Variants in ITGB6 observed in about 807,000 individuals in gnomAD.
ITGB6 encodes integrin beta-6.
In ITGB6, 80 loss-of-function variants were observed where a neutral mutation model predicts 84.5. The ratio of observed to expected loss-of-function variants is 0.95; its 90% CI spans 0.79 to 1.14. The LOEUF (loss-of-function observed/expected upper bound fraction) is 1.14. Among genes scored for constraint, ITGB6 ranks in the 50% most tolerant of loss-of-function variants. The pLI is 0.00. For missense variants in ITGB6, 1,006 were observed against 968.0 expected (o/e 1.04, Z -0.52); for synonymous variants, 383 against 354.9 (o/e 1.08, Z -0.89).
intron 4 of ITGB6, among the ~76,000 whole-genome samples, chr2:160,192,233 T>C (rs1478437112): frequency 6.6e-6 from 1 of 152,116 alleles, no homozygotes; most frequent in African/African-American, 2.4e-5. Flanking sequence ...TAAAGCTCTG[T>C]AAGGGGGGTA....
intron 12 of ITGB6, among the ~76,000 whole-genome samples, chr2:160,121,959 G>A (rs1486505547): frequency 6.6e-6 from 1 of 151,282 alleles, no homozygotes; most frequent in African/African-American, 2.4e-5. Flanking sequence ...GTTGGGGGAA[G>A]GGTAGGTTGT....
At position 160,126,486 on chromosome 2, in the gene ITGB6, G is replaced by A. The variant is rs751270189; in HGVS notation, c.1776C>T (p.Ser592=). The A allele has an allele frequency of 2.6e-5, 42 of 1,614,170 alleles. No homozygotes were observed. The highest frequency in any genetic ancestry group is 3.3e-4 in the Middle Eastern group (2 of 6,062). Residue 592 remains serine (S), a synonymous_variant, in exon 11 of 15, where the codon AGC becomes AGT. Transcript: ENST00000283249. ...TGCCACAAACACAGTCCCCGCGCCC[G>A]CTGCAGAGCACTCCATCTTCAGAGA... ...SCVSEDGVLC[S]GRGDCVCGKC...
At chr2:160,139,664 C>A (rs1190954329) in intron 8 of ITGB6, among the ~76,000 whole-genome samples, 1 of 152,064 alleles carries the variant, frequency 6.6e-6, no homozygotes, top group Non-Finnish European at 1.5e-5. Context: ...CAAATTTGAC[C>A]AGGAATATTT....
rs574179737 is a variant in ITGB6, at chr2:160,195,561, T to C, written c.401A>G (p.Asp134Gly). 6.2e-7 allele frequency: 1 copy of C among 1,614,044 alleles called. No homozygotes were observed. The highest frequency in any genetic ancestry group is 1.7e-5 in the Admixed American group (1 of 60,002). Residue 134 changes from aspartate to glycine, a missense_variant, in exon 4 of 15, where the codon GAT becomes GGT. Coordinates refer to ENST00000283249, the MANE Select transcript of ITGB6 (RefSeq NM_000888.5). ...GGAGAGGTCCATGAGGTAATACAAA[T>C]CCACCGGGTAGTCCTCAGTCTGGCG... is the stretch of plus-strand genomic sequence containing the variant. ...HVRQTEDYPV[D>G]LYYLMDLSAS...
At chr2:160,172,768 G>A (rs1182857178) in intron 5 of ITGB6, 38 bp from the exon 6 acceptor site, 3 of 1,537,816 alleles carry the variant, frequency 2.0e-6, no homozygotes, top group Non-Finnish European at 1.8e-6. Context: ...ATATTGGAGG[G>A]AGGCAGGCAT....
At chr2:160,136,392 C>T (rs1278277499) in intron 10 of ITGB6, among the ~76,000 whole-genome samples, 4 of 151,996 alleles carry the variant, frequency 2.6e-5, no homozygotes, top group Non-Finnish European at 4.4e-5. Flanking sequence ...ATTAAAAAGT[C>T]AGGAAACAAC....
rs2105863371 is a variant in ITGB6, at chr2:160,169,253, A to G, written c.976T>C (p.Leu326=). Residue 326 remains leucine, a synonymous_variant, in exon 7 of 15, where the codon TTG becomes CTG. Coordinates refer to ENST00000283249, the MANE Select transcript of ITGB6 (RefSeq NM_000888.5). The part of the protein sequence containing the change: ...IDKLVQNNVL[L]IFAVTQEQVH... ...TGTTCTTGGGTTACAGCGAAGATCA[A>G]TAACACGTTGTTTTGTACCAGTTTA... 1 of 1,605,040 alleles carries G rather than the reference A, an allele frequency of 6.2e-7. No individual in the cohort carries two copies. The highest frequency in any genetic ancestry group is 2.2e-5 in the East Asian group (1 of 44,710).
chr2:160,134,326 A>G (rs1022406844), intron 10 of ITGB6, among the ~76,000 whole-genome samples: 4 of 152,222 alleles, frequency 2.6e-5, no homozygotes, highest in Non-Finnish European at 5.9e-5. Flanking sequence ...AAATTCCTCG[A>G]CACATACACT....
chr2:160,164,234 G>A lies in ITGB6; in HGVS notation c.1017+4978C>T, dbSNP rs577612536. On this transcript the variant is annotated intron_variant, in intron 7 of 14. Coordinates refer to ENST00000283249, the MANE Select transcript of ITGB6 (RefSeq NM_000888.5). ...GCACTACGTCTTATTCTTCTCTATA[G>A]TCACAAACTTTGGCATAGTTCACAG... Among the ~76,000 whole-genome samples the A allele has an allele frequency of 3.9e-5, 6 of 152,294 alleles. No individual in the cohort carries two copies. The South Asian group carries it at 1.0e-3, about 26-fold the overall frequency.
chr2:160,133,232 C>G (rs184689444), intron 10 of ITGB6, among the ~76,000 whole-genome samples: 1 of 151,458 alleles, frequency 6.6e-6, no homozygotes, highest in Non-Finnish European at 1.5e-5. Flanking sequence ...ACAAAGCAAA[C>G]GGAAAACAAA....
At chr2:160,131,586 T>A (rs981255555) in intron 10 of ITGB6, among the ~76,000 whole-genome samples, 5 of 152,180 alleles carry the variant, frequency 3.3e-5, no homozygotes, top group African/African-American at 1.2e-4. Flanking sequence ...CATGACCATT[T>A]GTTAACCATT....
chr2:160,156,639 T>A (rs1235592289), intron 7 of ITGB6, among the ~76,000 whole-genome samples: 1 of 152,218 alleles, frequency 6.6e-6, no homozygotes, highest in East Asian at 1.9e-4. Flanking sequence ...GACCTCACAG[T>A]TGTTCCCTTT....
intron 7 of ITGB6, among the ~76,000 whole-genome samples, chr2:160,154,286 A>T (rs541669114): frequency 6.6e-6 from 1 of 152,304 alleles, no homozygotes; most frequent in South Asian, 2.1e-4. Context: ...CTTTTTAGGG[A>T]CATGGATGAA....
At chr2:160,125,950 G>A (rs1180749901) in intron 11 of ITGB6, among the ~76,000 whole-genome samples, 4 of 152,196 alleles carry the variant, frequency 2.6e-5, no homozygotes, top group Non-Finnish European at 5.9e-5. Context: ...AGATAGGAAT[G>A]AATCAGTAAG....
chr2:160,154,225 C>T (rs1183257968), intron 7 of ITGB6, among the ~76,000 whole-genome samples: 3 of 152,178 alleles, frequency 2.0e-5, no homozygotes, highest in Non-Finnish European at 4.4e-5. Context: ...AAATGTGGCA[C>T]ATATACACCA....
Position 160,101,782 on chromosome 2 carries a change from T to C in ITGB6, c.2321A>G (p.Tyr774Cys), listed in dbSNP as rs762389754. The change falls in exon 15 of 15, where the codon TAT becomes TGT. Residue 774 changes from tyrosine to cysteine, a missense_variant. Transcript: ENST00000283249. ...TACCTTTTGTTTTTCCCTGTGTTTA[T>C]AAGTTACATTTTTAAAAGTACTTGT... Reference protein sequence around the residue: ...GSTSTFKNVTYKHREKQKVDL... With the variant: ...GSTSTFKNVTCKHREKQKVDL... The C allele has an allele frequency of 1.2e-6, 2 of 1,603,936 alleles. No homozygotes were observed. The highest frequency in any genetic ancestry group is 2.2e-5 in the South Asian group (2 of 90,790).
In ITGB6 at chr2:160,137,647, G is replaced by A; in HGVS notation, c.1447C>T (p.Pro483Ser). Residue 483 changes from proline to serine, a missense_variant, in exon 10 of 15, where the codon CCT (proline) becomes TCT (serine). Pro to Ser is a moderately conservative substitution (Grantham distance 74). Coordinates refer to ENST00000283249, the MANE Select transcript of ITGB6 (RefSeq NM_000888.5). ...SFQCGVCACH[P>S]GHMGPRCECG... The stretch of plus-strand genomic sequence containing the variant: ...TCACAGCGAGGCCCCATGTGGCCAG[G>A]GTGGCAGGCACACACCCCACACTGG... 6.2e-7 allele frequency: 1 copy of A among 1,614,176 alleles called. No individual in the cohort carries two copies. The highest frequency in any genetic ancestry group is 2.2e-5 in the East Asian group (1 of 44,876).
chr2:160,134,952 T>C (rs1683642458), intron 10 of ITGB6, among the ~76,000 whole-genome samples: 1 of 152,184 alleles, frequency 6.6e-6, no homozygotes, highest in African/African-American at 2.4e-5. Context: ...AATATCATAC[T>C]GAATGGGCAA....
intron 4 of ITGB6, among the ~76,000 whole-genome samples, chr2:160,188,780 A>G (rs1292394150): frequency 6.6e-6 from 1 of 151,572 alleles, no homozygotes; most frequent in African/African-American, 2.4e-5. Flanking sequence ...ATTTTTTTGT[A>G]TTTTTAGTAG....
Sources: allele counts gnomAD v4.1 joint callset (sites outside exome capture counted in the v4.1 genomes callset), GRCh38; gene constraint gnomAD v4.1.1; transcripts MANE v1.5; gene names NCBI Gene and HGNC (gene_info 2026-07-23, HGNC 2026-07-21).